DDX24: variants seen among roughly 807,000 people sequenced by gnomAD.
DDX24 encodes the protein DEAD-box helicase 24, also known as ATP-dependent RNA helicase DDX24.
Under a neutral mutation model 68.9 loss-of-function variants are expected in DDX24, and 24 were observed. The observed-to-expected ratio is 0.35, with a 90% CI of 0.25 to 0.49. The LOEUF (loss-of-function observed/expected upper bound fraction) is 0.49, where lower values mean the gene tolerates loss of function less well. Ranked by LOEUF, DDX24 falls within the 20% of genes least tolerant of loss-of-function variation. The pLI is 0.99. For missense variants in DDX24, 989 were observed against 1,039.0 expected (o/e 0.95, Z 0.66); for synonymous variants, 395 against 385.2 (o/e 1.03, Z -0.30).
rs1595381023 is a variant in DDX24, at chr14:94,076,786, G to C, written c.718+2239C>G. 1.3e-5 allele frequency among the ~76,000 whole-genome samples: 2 copies of C among 151,808 alleles called. 1 individual carries two copies. On this transcript the variant is annotated intron_variant, in intron 2 of 8. Coordinates refer to ENST00000621632, the MANE Select transcript of DDX24 (RefSeq NM_020414.4). Reference sequence around the variant, plus strand: ...GAACAAGAACTGAGGGAGGGAGGGAGGGACAACAAAAAAAACCCAGGGTAT... The same window carrying C: ...GAACAAGAACTGAGGGAGGGAGGGACGGACAACAAAAAAAACCCAGGGTAT...
Position 94,060,198 on chromosome 14 carries a change from C to G in DDX24, c.1813G>C (p.Gly605Arg). Residue 605 changes from glycine (G) to arginine (R), a missense_variant, in exon 5 of 9, where the codon GGG becomes CGG. Physicochemically the swap from Gly to Arg is moderately radical, Grantham distance 125. Around this residue, in one of 3 missense-constraint regions of DDX24, gnomAD observed 691 missense variants for 760.0 expected, o/e 0.91. Transcript: ENST00000621632. ...NSISCIKRLS[G>R]LLKVLDIMPL... ...ATGATATCAAGGACTTTGAGGAGCC[C>G]AGAGAGGCGTTTGATGCAGGAGATA... 1.9e-6 allele frequency: 3 copies of G among 1,614,146 alleles called. No individual in the cohort carries two copies. The highest frequency in any genetic ancestry group is 2.5e-6 in the Non-Finnish European group (3 of 1,180,042).
chr14:94,076,666 G>A (rs1259518723), intron 2 of DDX24, among the ~76,000 whole-genome samples: 2 of 142,474 alleles, frequency 1.4e-5, no homozygotes, highest in African/African-American at 5.4e-5. Flanking sequence ...GGGTGACAGA[G>A]CGAGACTCCG....
chr14:94,078,932 C>T, intron 2 of DDX24, 93 bp downstream of exon 2: 1 of 1,359,990 alleles, frequency 7.4e-7, no homozygotes, highest in East Asian at 2.3e-5. Context: ...TGGTTATGTT[C>T]TTCAACATTC....
At chr14:94,061,587 T>C (rs1189470079) in intron 3 of DDX24, among the ~76,000 whole-genome samples, 1 of 152,212 alleles carries the variant, frequency 6.6e-6, no homozygotes, top group African/African-American at 2.4e-5. Flanking sequence ...ATTATAAAAT[T>C]AAGATTCCCA....
At chr14:94,070,473 T>C (rs1885806968) in intron 2 of DDX24, among the ~76,000 whole-genome samples, 1 of 152,150 alleles carries the variant, frequency 6.6e-6, no homozygotes, top group South Asian at 2.1e-4. Context: ...CTCATCAAAA[T>C]ACCACCATCA....
intron 2 of DDX24, among the ~76,000 whole-genome samples, chr14:94,078,099 G>T (rs368346940): frequency 1.3e-5 from 2 of 151,590 alleles, no homozygotes; most frequent in South Asian, 2.1e-4. Flanking sequence ...TAAACAATAC[G>T]GTGTAACAAT....
Position 94,062,608 on chromosome 14 carries a change from A to C in DDX24, c.732T>G (p.Thr244=). Reference sequence around the variant, plus strand: ...GAATCATTGGGATGGCAAAGGCAAGAGTTTTCCCACTTCCTTAAAAGTAAA... The same window carrying C: ...GAATCATTGGGATGGCAAAGGCAAGCGTTTTCCCACTTCCTTAAAAGTAAA... ...LGAAETGSGK[T]LAFAIPMIHA... The change falls in exon 3 of 9, where the codon ACT becomes ACG. Residue 244 remains threonine, a synonymous_variant. Transcript: ENST00000621632. 1 of 1,593,924 alleles carries C rather than the reference A, an allele frequency of 6.3e-7. No homozygotes were observed. Among genetic ancestry groups the C allele is most frequent in the East Asian group, 2.2e-5 (1 of 44,680 alleles).
In DDX24 at chr14:94,048,436, G is replaced by A. The variant is rs1284625878; in HGVS notation, c.*2755C>T. ...CAAATGAGAGCTCTGGAGCCAGAAT[G>A]CCAGGGTTCTAACTTCAGCATTCAC... On this transcript the variant is annotated 3_prime_UTR_variant, in exon 9 of 9. Transcript: ENST00000621632. The A allele has an allele frequency of 6.6e-6, 1 of 152,212 alleles. No individual in the cohort carries two copies. The highest frequency in any genetic ancestry group is 1.5e-5 in the Non-Finnish European group (1 of 68,046). 9.4% of individuals were successfully genotyped at this position (152,212 alleles called of 1,614,324 possible).
intron 1 of DDX24, 70 bp from the exon 2 acceptor site, chr14:94,079,817 T>A: frequency 7.0e-7 from 1 of 1,431,626 alleles, no homozygotes; most frequent in Non-Finnish European, 9.5e-7. Flanking sequence ...AACAAATATT[T>A]TCTAAGCAAC....
intron 2 of DDX24, among the ~76,000 whole-genome samples, chr14:94,071,413 T>C (rs1247767356): frequency 2.7e-5 from 4 of 150,924 alleles, no homozygotes; most frequent in South Asian, 2.1e-4. Context: ...CTTCCGGAGG[T>C]TGAGGTGGGC....
Position 94,079,198 on chromosome 14 carries a change from G to A in DDX24, c.545C>T (p.Pro182Leu), listed in dbSNP as rs897152614. ...KVPKKAKTWI[P>L]EVHDQKADVS... ...ATCTGCTTTCTGATCATGAACTTCA[G>A]GAATCCATGTCTTCGCTTTTTTGGG... is the stretch of plus-strand genomic sequence containing the variant. The change falls in exon 2 of 9, where the codon CCT becomes CTT. Residue 182 changes from proline (P) to leucine (L), a missense_variant. By Grantham distance (98) the Pro-to-Leu change is moderately conservative (BLOSUM62 -3). This residue lies in a region of DDX24 where 295 missense variants were observed against 263.0 expected (regional missense o/e 1.12). Transcript: ENST00000621632. 19 of 1,614,084 alleles carry A rather than the reference G, an allele frequency of 1.2e-5. No individual in the cohort carries two copies. The African/African-American group carries it at 1.7e-4, about 15-fold the overall frequency.
intron 8 of DDX24, 85 bp downstream of exon 8, chr14:94,052,913 C>A: frequency 6.6e-7 from 1 of 1,511,910 alleles, no homozygotes; most frequent in Non-Finnish European, 8.8e-7. Flanking sequence ...TTGACAAGAC[C>A]CACAGTAGTA....
Position 94,051,198 on chromosome 14 carries a change from G to A in DDX24, c.2573C>T (p.Ala858Val), listed in dbSNP as rs149730084. 1 of 1,528,710 alleles carries A rather than the reference G, an allele frequency of 6.5e-7. No individual in the cohort carries two copies. The highest frequency in any genetic ancestry group is 2.2e-5 in the Admixed American group (1 of 45,760). The allele number at this position is 1,528,710 out of a possible 1,614,324, so 94.7% of individuals were successfully genotyped here. A position where few individuals can be genotyped will look rare whatever the true frequency, so the allele number is the denominator to read the frequency against. The change falls in exon 9 of 9, where the codon GCA becomes GTA. Residue 858 changes from alanine (A) to valine (V), a missense_variant. Ala to Val is a moderately conservative substitution (Grantham distance 64). This residue lies in a region of DDX24 where 691 missense variants were observed against 760.0 expected (regional missense o/e 0.91). Transcript: ENST00000621632. ...QPEQPQPSTS[A>V]N ...ACTGACACACTTGACCAGTTAATTTGCACTTGTACTTGGCTGTGGCTGTTC... is the reference window on the plus strand; with the variant it reads ...ACTGACACACTTGACCAGTTAATTTACACTTGTACTTGGCTGTGGCTGTTC...
chr14:94,066,322 C>T (rs1480076474), intron 2 of DDX24, among the ~76,000 whole-genome samples: 2 of 152,160 alleles, frequency 1.3e-5, no homozygotes, highest in Non-Finnish European at 2.9e-5. Context: ...CCCCCATCCC[C>T]CACAACACCC....
intron 2 of DDX24, among the ~76,000 whole-genome samples, chr14:94,076,441 G>A (rs1170354032): frequency 6.6e-6 from 1 of 152,148 alleles, no homozygotes; most frequent in Non-Finnish European, 1.5e-5. Flanking sequence ...CCAGCACTTT[G>A]GGAGGCCGAA....
chr14:94,059,290 T>A (rs1381577912), intron 5 of DDX24, among the ~76,000 whole-genome samples: 1 of 152,226 alleles, frequency 6.6e-6, no homozygotes, highest in East Asian at 1.9e-4. Flanking sequence ...CTTGACAATC[T>A]GCACCCCATT....
chr14:94,052,861 C>A, intron 8 of DDX24, 137 bp downstream of exon 8: 1 of 1,246,464 alleles, frequency 8.0e-7, no homozygotes, highest in South Asian at 1.5e-5. Flanking sequence ...CACCTGGGAC[C>A]AGGGCCTGTT....
intron 2 of DDX24, among the ~76,000 whole-genome samples, chr14:94,069,558 A>T (rs1885786651): frequency 6.6e-6 from 1 of 152,166 alleles, no homozygotes; most frequent in Non-Finnish European, 1.5e-5. Context: ...GACACAACCA[A>T]AAAAGAAAAC....
intron 2 of DDX24, among the ~76,000 whole-genome samples, chr14:94,072,949 A>G (rs1245809816): frequency 6.6e-6 from 1 of 152,062 alleles, no homozygotes; most frequent in Non-Finnish European, 1.5e-5. Flanking sequence ...GGAAAAAAAA[A>G]TTTAAAATAA....
Sources: gnomAD v4.1 joint callset for allele counts (sites outside exome capture counted in the v4.1 genomes callset) on GRCh38, gnomAD v4.1.1 for gene constraint, gnomAD v4.1.1 regional missense constraint, MANE v1.5 for transcripts, NCBI Gene and HGNC (gene_info 2026-07-23, HGNC 2026-07-21) for gene names.